Variants in VPS8 observed in about 807,000 individuals in gnomAD.
VPS8 encodes vacuolar protein sorting-associated protein 8 homolog.
Under a neutral mutation model 216.4 loss-of-function variants are expected in VPS8, and 129 were observed. The ratio of observed to expected loss-of-function variants is 0.60; its 90% CI spans 0.52 to 0.69. VPS8 has a LOEUF of 0.69. Ranked by LOEUF, VPS8 falls within the 30% of genes least tolerant of loss-of-function variation. The pLI is 0.00. For synonymous variants in VPS8, 571 were observed against 565.4 expected, an observed-to-expected ratio of 1.01 and a Z score of -0.14; for missense variants, 1,531 against 1,683.5, an observed-to-expected ratio of 0.91 and a Z score of 1.59.
chr3:184,888,776 G>A lies in VPS8; in HGVS notation c.1781+2620G>A, dbSNP rs74438940. Reference sequence around the variant, plus strand: ...TGCCTGAAGGACTAAATTTTATTTAGAGTAAAACGGCTTATTTTTATAAAA... The same window carrying A: ...TGCCTGAAGGACTAAATTTTATTTAAAGTAAAACGGCTTATTTTTATAAAA... On this transcript the variant is annotated intron_variant, in intron 22 of 47. Coordinates refer to ENST00000625842, the MANE Select transcript of VPS8 (RefSeq NM_001009921.3). Among the ~76,000 whole-genome samples, 697 of 152,224 alleles carry A rather than the reference G, an allele frequency of 4.6e-3. 8 individuals are homozygous for A. The highest frequency in any genetic ancestry group is 0.016 in the African/African-American group (655 of 41,522).
At chr3:184,951,907 A>G (rs1744768297) in intron 36 of VPS8, among the ~76,000 whole-genome samples, 1 of 152,216 alleles carries the variant, frequency 6.6e-6, no homozygotes, top group East Asian at 1.9e-4. Context: ...TCTCTCACAA[A>G]TGAATCCATC....
intron 46 of VPS8, among the ~76,000 whole-genome samples, chr3:185,031,945 C>G (rs1327790693): frequency 6.6e-6 from 1 of 152,162 alleles, no homozygotes; most frequent in African/African-American, 2.4e-5. Flanking sequence ...GGGCAGATCA[C>G]TTGAGGTCAG....
intron 25 of VPS8, among the ~76,000 whole-genome samples, chr3:184,904,051 G>A (rs1273501412): frequency 6.6e-6 from 1 of 151,956 alleles, no homozygotes; most frequent in Non-Finnish European, 1.5e-5. Flanking sequence ...AGGATTTGCT[G>A]GTGTGAAATA....
chr3:184,962,761 G>GTGTGTT (rs1324151343), intron 37 of VPS8, among the ~76,000 whole-genome samples: 10 of 93,136 alleles, frequency 1.1e-4, no homozygotes, highest in African/African-American at 3.2e-4. Context: ...GTGTGTGTGT[G>GTGTGTT]TGTGTCTTAT....
At chr3:184,871,126 A>C (rs1239903354) in intron 21 of VPS8, among the ~76,000 whole-genome samples, 1 of 152,046 alleles carries the variant, frequency 6.6e-6, no homozygotes, top group Non-Finnish European at 1.5e-5. Context: ...TATGTTAACC[A>C]GGTTATTTAG....
intron 30 of VPS8, 23 bp downstream of exon 30, chr3:184,925,004 T>C (rs911086203): frequency 4.4e-6 from 7 of 1,605,990 alleles, no homozygotes; most frequent in Admixed American, 1.7e-5. Context: ...CAGTGAAAAC[T>C]AAAAGGTTTT....
chr3:184,886,807 C>T (rs1731363274), intron 22 of VPS8, among the ~76,000 whole-genome samples: 1 of 152,032 alleles, frequency 6.6e-6, no homozygotes, highest in African/African-American at 2.4e-5. Context: ...TCTCAAACTC[C>T]TGACTTTGTG....
In VPS8 at chr3:184,950,218, T is replaced by TTTTTTTTTTC. The variant is rs1744439142; in HGVS notation, c.3036-7147_3036-7146insCTTTTTTTTT. Among the ~76,000 whole-genome samples the TTTTTTTTTTC allele has an allele frequency of 2.7e-5, 3 of 111,608 alleles. 1 individual carries two copies. The highest frequency in any genetic ancestry group is 6.6e-4 in the South Asian group (2 of 3,028). 73.2% of individuals were successfully genotyped at this position (111,608 alleles called of 152,430 possible). Reference sequence around the variant, plus strand: ...CAACCACGCCCAGCAGTTTTCTGCTTTTTTTTTTTTTTTTTTTTTTTTTTT... The same window carrying TTTTTTTTTTC: ...CAACCACGCCCAGCAGTTTTCTGCTTTTTTTTTTTCTTTTTTTTTTTTTTTTTTTTTTTTT... On this transcript the variant is annotated intron_variant, in intron 36 of 47. Transcript: ENST00000625842.
intron 1 of VPS8, chr3:184,824,064 C>T (rs919739894): frequency 1.3e-5 from 2 of 152,374 alleles, no homozygotes; most frequent in Admixed American, 6.5e-5. Flanking sequence ...TGTTCATCCT[C>T]AGTGTTTCTG....
intron 46 of VPS8, among the ~76,000 whole-genome samples, chr3:185,030,112 A>G (rs900471362): frequency 6.6e-5 from 10 of 152,180 alleles, no homozygotes; most frequent in Admixed American, 2.0e-4. Flanking sequence ...TCAGATAAAA[A>G]TCGACATAAA....
chr3:184,841,213 A>G (rs1024467612), intron 7 of VPS8, among the ~76,000 whole-genome samples: 1 of 152,180 alleles, frequency 6.6e-6, no homozygotes, highest in African/African-American at 2.4e-5. Context: ...TAGATGAGCA[A>G]AAAGTTGAAG....
At position 184,869,148 on chromosome 3, in the gene VPS8, C is replaced by T. The variant is rs1017489753; in HGVS notation, c.1597+112C>T. 3.0e-6 allele frequency: 3 copies of T among 1,006,498 alleles called. No homozygotes were observed. In the African/African-American group the frequency reaches 4.9e-5, roughly 16 times the overall value. 62.3% of individuals were successfully genotyped at this position (1,006,498 alleles called of 1,614,324 possible). A position where few individuals can be genotyped will look rare whatever the true frequency, so the allele number is the denominator to read the frequency against. ...AGCTGAGTGTCGAAGTGTTTATAAA[C>T]AGGATGCTAATTAAACCTTATAGAC... On this transcript the variant is annotated intron_variant, in intron 19 of 47. Transcript: ENST00000625842.
intron 7 of VPS8, among the ~76,000 whole-genome samples, chr3:184,842,669 G>A (rs2108609198): frequency 6.6e-6 from 1 of 152,174 alleles, no homozygotes; most frequent in East Asian, 1.9e-4. Flanking sequence ...TTAAACATCT[G>A]TGTTGATCAT....
At chr3:184,886,068 C>G (rs1479072334) in intron 21 of VPS8, 42 bp from the exon 22 acceptor site, 4 of 1,588,924 alleles carry the variant, frequency 2.5e-6, no homozygotes, top group Non-Finnish European at 3.4e-6. Flanking sequence ...GACCACTGGA[C>G]AGGGTTGTGG....
At chr3:184,971,189 T>G (rs2109632536) in intron 39 of VPS8, among the ~76,000 whole-genome samples, 1 of 152,328 alleles carries the variant, frequency 6.6e-6, no homozygotes, top group Admixed American at 6.5e-5. Flanking sequence ...TGGAGATGTG[T>G]GTTTGAAAGT....
chr3:184,856,790 T>A (rs1159290394), intron 14 of VPS8, among the ~76,000 whole-genome samples: 2 of 152,184 alleles, frequency 1.3e-5, no homozygotes, highest in Non-Finnish European at 2.9e-5. Context: ...CTGTGCTATC[T>A]TCTGTTGTCT....
chr3:184,832,087 TA>T (rs745524295), intron 3 of VPS8, among the ~76,000 whole-genome samples: 8 of 152,214 alleles, frequency 5.3e-5, no homozygotes, highest in Non-Finnish European at 1.0e-4. Flanking sequence ...CCATCTAGTG[TA>T]ATGGCATATA....
intron 23 of VPS8, among the ~76,000 whole-genome samples, chr3:184,898,125 C>T (rs536715238): frequency 7.3e-4 from 111 of 151,060 alleles, no homozygotes; most frequent in African/African-American, 2.5e-3. Flanking sequence ...TTAACTCACA[C>T]GCCATTTTGT....
chr3:184,844,482 T>C (rs1326106587), intron 8 of VPS8, among the ~76,000 whole-genome samples: 3 of 151,740 alleles, frequency 2.0e-5, no homozygotes, highest in East Asian at 3.9e-4. Flanking sequence ...ATAGTGAATA[T>C]TGGCCAATAA....
Sources: allele counts gnomAD v4.1 joint callset (sites outside exome capture counted in the v4.1 genomes callset), GRCh38; gene constraint gnomAD v4.1.1; transcripts MANE v1.5; gene names NCBI Gene and HGNC (gene_info 2026-07-23, HGNC 2026-07-21).